The following ADGRL3 variants were observed in gnomAD, a reference collection of about 807,000 sequenced individuals.
ADGRL3 encodes the protein calcium-independent alpha-latrotoxin receptor 3.
In ADGRL3, 62 loss-of-function variants were observed where a neutral mutation model predicts 153.5. That is an observed-to-expected ratio of 0.40 (90% CI 0.33 to 0.50). The LOEUF is 0.50. ADGRL3 is among the 20% of genes least tolerant of loss of function. The pLI is 0.47. For missense variants in ADGRL3, 1,641 were observed against 1,859.4 expected, an observed-to-expected ratio of 0.88 and a Z score of 2.16; for synonymous variants, 710 against 672.5, an observed-to-expected ratio of 1.06 and a Z score of -0.86.
At chr4:61,567,121 A>C (rs2098819526) in intron 4 of ADGRL3, among the ~76,000 whole-genome samples, 1 of 152,226 alleles carries the variant, frequency 6.6e-6, no homozygotes, top group Non-Finnish European at 1.5e-5. Context: ...TACAATTTTA[A>C]AGGACCTTTG....
chr4:61,818,463 C>CT (rs2097713092), intron 9 of ADGRL3, among the ~76,000 whole-genome samples: 1 of 152,150 alleles, frequency 6.6e-6, no homozygotes, highest in African/African-American at 2.4e-5. Context: ...ATCAGTGGAC[C>CT]TACCATTCTG....
At chr4:61,953,618 A>G (rs1448882400) in intron 17 of ADGRL3, among the ~76,000 whole-genome samples, 1 of 152,132 alleles carries the variant, frequency 6.6e-6, no homozygotes, top group Non-Finnish European at 1.5e-5. Context: ...AAAAACTCAT[A>G]TTTTTAGAGA....
intron 9 of ADGRL3, among the ~76,000 whole-genome samples, chr4:61,831,466 G>C (rs2097868624): frequency 6.9e-6 from 1 of 145,872 alleles, no homozygotes; most frequent in African/African-American, 2.5e-5. Context: ...GGGATAACCA[G>C]GAGTGAAGCA....
At chr4:61,703,438 G>T (rs1016085194) in intron 6 of ADGRL3, among the ~76,000 whole-genome samples, 103 of 152,152 alleles carry the variant, frequency 6.8e-4, no homozygotes, top group African/African-American at 2.5e-3. Context: ...GAGTGAAAAG[G>T]TTATGCTGAG....
intron 2 of ADGRL3, among the ~76,000 whole-genome samples, chr4:61,405,859 T>C (rs1454320075): frequency 6.6e-6 from 1 of 152,006 alleles, no homozygotes; most frequent in East Asian, 1.9e-4. Context: ...CATTTTCTTC[T>C]GTATAATTCA....
chr4:61,683,287 A>G (rs1220593643), intron 6 of ADGRL3, among the ~76,000 whole-genome samples: 2 of 151,936 alleles, frequency 1.3e-5, no homozygotes, highest in African/African-American at 4.8e-5. Flanking sequence ...TAATTTTTGT[A>G]TTTTTTGTAG....
At chr4:61,571,598 G>A (rs981489654) in intron 4 of ADGRL3, among the ~76,000 whole-genome samples, 3 of 152,182 alleles carry the variant, frequency 2.0e-5, no homozygotes, top group Middle Eastern at 3.4e-3. Context: ...AGATACCTGT[G>A]TCTACTTAAG....
At chr4:61,744,880 G>A (rs1407813107) in intron 8 of ADGRL3, among the ~76,000 whole-genome samples, 2 of 152,198 alleles carry the variant, frequency 1.3e-5, no homozygotes, top group Non-Finnish European at 2.9e-5. Flanking sequence ...ACTTTGATGA[G>A]TTGAGAGAAG....
intron 4 of ADGRL3, among the ~76,000 whole-genome samples, chr4:61,543,262 G>A (rs1335897525): frequency 6.6e-6 from 1 of 151,720 alleles, no homozygotes; most frequent in Admixed American, 6.6e-5. Context: ...CATTGAGGTA[G>A]GGAGATTATC....
At chr4:61,650,309 T>A (rs1450685912) in intron 5 of ADGRL3, among the ~76,000 whole-genome samples, 2 of 152,118 alleles carry the variant, frequency 1.3e-5, no homozygotes, top group Non-Finnish European at 2.9e-5. Flanking sequence ...CTCAAAATAT[T>A]TACTGTATTA....
intron 4 of ADGRL3, among the ~76,000 whole-genome samples, chr4:61,556,734 A>C (rs536032838): frequency 6.6e-6 from 1 of 152,188 alleles, no homozygotes; most frequent in African/African-American, 2.4e-5. Context: ...GTAAAATGAT[A>C]AAAGGCAATA....
chr4:61,458,691 C>T (rs2097779189), intron 2 of ADGRL3, among the ~76,000 whole-genome samples: 1 of 151,408 alleles, frequency 6.6e-6, no homozygotes, highest in Non-Finnish European at 1.5e-5. Context: ...TTAATCAACA[C>T]AAATTGTTTA....
At chr4:61,761,906 G>A (rs1234386248) in intron 8 of ADGRL3, among the ~76,000 whole-genome samples, 1 of 152,242 alleles carries the variant, frequency 6.6e-6, no homozygotes, top group East Asian at 1.9e-4. Flanking sequence ...ACTCCAGCCT[G>A]GGCAACAGAG....
chr4:61,551,394 A>C (rs1050861276), intron 4 of ADGRL3, among the ~76,000 whole-genome samples: 3 of 152,134 alleles, frequency 2.0e-5, no homozygotes, highest in African/African-American at 7.2e-5. Flanking sequence ...AAAAGTCATG[A>C]CACTGTGGGT....
chr4:61,263,083 ATATT>A lies in ADGRL3; in HGVS notation c.-240+61327_-240+61330del, dbSNP rs1054714730. On this transcript the variant is annotated intron_variant, in intron 1 of 26. Transcript: ENST00000683033. ...GAAAATTGTTGAATGCAATCTTGATATATTTATTTATTAAGTAGATAACGAATAG... is the reference window on the plus strand; with the variant it reads ...GAAAATTGTTGAATGCAATCTTGATATATTTATTAAGTAGATAACGAATAG... Among the ~76,000 whole-genome samples the A allele has an allele frequency of 5.3e-4, 80 of 152,192 alleles. 1 individual carries two copies. Among genetic ancestry groups the A allele is most frequent in the African/African-American group, 1.7e-3 (69 of 41,542 alleles).
chr4:61,392,708 A>AAAAAAGT (rs1560565678), intron 2 of ADGRL3, among the ~76,000 whole-genome samples: 1 of 92,740 alleles, frequency 1.1e-5, no homozygotes, highest in Non-Finnish European at 2.4e-5. Context: ...AAAAAAAAAG[A>AAAAAAGT]AAAAGGAAAA....
intron 8 of ADGRL3, among the ~76,000 whole-genome samples, chr4:61,762,616 T>C (rs1175035277): frequency 6.6e-6 from 1 of 152,154 alleles, no homozygotes; most frequent in Non-Finnish European, 1.5e-5. Flanking sequence ...GTAAGTTAAA[T>C]AACTGTGAAA....
intron 4 of ADGRL3, among the ~76,000 whole-genome samples, chr4:61,554,220 G>A (rs1310427941): frequency 1.9e-5 from 2 of 108,100 alleles, no homozygotes; most frequent in Non-Finnish European, 3.7e-5. Context: ...TTGAGACAGA[G>A]TCTTACTCTG....
intron 8 of ADGRL3, among the ~76,000 whole-genome samples, chr4:61,743,974 C>T (rs2096617988): frequency 6.6e-6 from 1 of 152,296 alleles, no homozygotes; most frequent in South Asian, 2.1e-4. Flanking sequence ...AAAGGGGTTA[C>T]AGACAGCACC....
Sources: allele counts gnomAD v4.1 joint callset (sites outside exome capture counted in the v4.1 genomes callset), GRCh38; gene constraint gnomAD v4.1.1; transcripts MANE v1.5; gene names NCBI Gene and HGNC (gene_info 2026-07-23, HGNC 2026-07-21).